RANBP3: variants seen among roughly 807,000 people sequenced by gnomAD.
RANBP3 encodes ran-binding protein 3.
RANBP3 carries 14 observed loss-of-function variants against 77.3 expected under a neutral mutation model. The ratio of observed to expected loss-of-function variants is 0.18; its 90% CI spans 0.12 to 0.28. RANBP3 has a LOEUF of 0.28. Among genes scored for constraint, RANBP3 ranks in the 10% least tolerant of loss-of-function variants. The pLI is 1.00. For synonymous variants in RANBP3, 315 were observed against 312.4 expected, an observed-to-expected ratio of 1.01 and a Z score of -0.09; for missense variants, 586 against 752.3, an observed-to-expected ratio of 0.78 and a Z score of 2.59.
chr19:5,945,532 G>T (rs1189084300), intron 3 of RANBP3, among the ~76,000 whole-genome samples: 4 of 152,176 alleles, frequency 2.6e-5, no homozygotes, highest in Non-Finnish European at 5.9e-5. Context: ...TTTGGGTGGG[G>T]TGACCTATAT....
intron 7 of RANBP3, among the ~76,000 whole-genome samples, chr19:5,932,013 T>TGACA (rs1283810385): frequency 6.6e-6 from 1 of 152,024 alleles, no homozygotes; most frequent in African/African-American, 2.4e-5. Flanking sequence ...CCAGTCTGGG[T>TGACA]GACAGAGCAA....
At chr19:5,968,816 T>C (rs1178668101) in intron 1 of RANBP3, among the ~76,000 whole-genome samples, 4 of 152,180 alleles carry the variant, frequency 2.6e-5, no homozygotes, top group African/African-American at 2.4e-5. Flanking sequence ...GCACCGAGCT[T>C]GCCACTGGAG....
rs760532167 is a variant in RANBP3, at chr19:5,941,815, A to C, written c.303T>G (p.Ser101Arg). 3 of 1,612,010 alleles carry C rather than the reference A, an allele frequency of 1.9e-6. No individual in the cohort carries two copies. The African/African-American group carries it at 4.0e-5, about 22-fold the overall frequency. ...GCTCCTTACCTTCTCCGCCTTCAGGACTGGAGCCGCCAGCTGACCTCTGAA... is the reference window on the plus strand; with the variant it reads ...GCTCCTTACCTTCTCCGCCTTCAGGCCTGGAGCCGCCAGCTGACCTCTGAA... ...ELAGRSAGGS[S>R]PEGGEDSDRE... is the part of the protein sequence containing the mutation. Residue 101 changes from serine (S) to arginine (R), a missense_variant, in exon 4 of 17, where the codon AGT (serine) becomes AGG (arginine). Ser to Arg is a moderately radical substitution (Grantham distance 110). Around this residue, in one of 5 missense-constraint regions of RANBP3, gnomAD observed 172 missense variants for 183.4 expected, o/e 0.94. Transcript: ENST00000340578.
At chr19:5,965,446 A>AT (rs985737308) in intron 1 of RANBP3, among the ~76,000 whole-genome samples, 1 of 152,078 alleles carries the variant, frequency 6.6e-6, no homozygotes, top group African/African-American at 2.4e-5. Context: ...TTTTATCTGT[A>AT]TTTTTTCTGC....
intron 3 of RANBP3, among the ~76,000 whole-genome samples, chr19:5,942,602 G>A (rs577483738): frequency 6.6e-6 from 1 of 151,330 alleles, no homozygotes; most frequent in African/African-American, 2.4e-5. Flanking sequence ...GCTACAGGCT[G>A]AGGCACAAGA....
intron 1 of RANBP3, among the ~76,000 whole-genome samples, chr19:5,960,875 G>GCAA (rs368469649): frequency 3.0e-4 from 45 of 152,332 alleles, no homozygotes; most frequent in African/African-American, 8.9e-4. Context: ...CTCTGATGGA[G>GCAA]CAACCCTGTC....
At chr19:5,944,123 C>T (rs766553338) in intron 3 of RANBP3, among the ~76,000 whole-genome samples, 15 of 152,174 alleles carry the variant, frequency 9.9e-5, no homozygotes, top group Non-Finnish European at 1.8e-4. Context: ...ACGCTGGGAG[C>T]AGATGATTAT....
intron 7 of RANBP3, among the ~76,000 whole-genome samples, chr19:5,931,967 C>T (rs867514652): frequency 1.3e-5 from 2 of 151,926 alleles, no homozygotes; most frequent in Non-Finnish European, 2.9e-5. Context: ...CCCAGGAGTT[C>T]GAGGCTGCAG....
At position 5,921,253 on chromosome 19, in the gene RANBP3, G is replaced by A; in HGVS notation, c.1278C>T (p.Leu426=). 5.6e-6 allele frequency: 9 copies of A among 1,613,674 alleles called. No homozygotes were observed. The highest frequency in any genetic ancestry group is 7.6e-6 in the Non-Finnish European group (9 of 1,179,956). The change falls in exon 14 of 17, where the codon CTC becomes CTT. Residue 426 remains leucine, a synonymous_variant. Coordinates refer to ENST00000340578, the MANE Select transcript of RANBP3 (RefSeq NM_007322.3). The surrounding 1 kb of genome is among the most constrained non-coding windows in gnomAD (Gnocchi z 5.3). ...QSWVERGRGL[L]RLNDMASTDD... is the part of the protein sequence containing the mutation. ...CGGTGGACGCCATGTCATTGAGTCT[G>A]AGCAGCCCCCGGCCTCTCTCCACCC...
chr19:5,933,598 G>T, intron 5 of RANBP3, 119 bp from the exon 6 acceptor site: 1 of 675,418 alleles, frequency 1.5e-6, no homozygotes, highest in Non-Finnish European at 2.4e-6. Context: ...TGGAGAACCA[G>T]GGAGAACATT....
chr19:5,951,661 C>T lies in RANBP3; in HGVS notation c.79-65G>A, dbSNP rs543626434. On this transcript the variant is annotated intron_variant, in intron 2 of 16. Transcript: ENST00000340578. ...AGGCTGCATCACACAGCAGGAAGGG[C>T]GGGCAGGGGTCAGAGGCTGGAGCTG... 3.3e-4 allele frequency: 487 copies of T among 1,461,754 alleles called. 7 individuals are homozygous for T. In the South Asian group the frequency reaches 5.5e-3, roughly 16 times the overall value. The allele number at this position is 1,461,754 out of a possible 1,614,324, so 90.5% of individuals were successfully genotyped here.
intron 15 of RANBP3, 70 bp from the exon 16 acceptor site, chr19:5,918,050 A>G: frequency 6.8e-7 from 1 of 1,476,600 alleles, no homozygotes; most frequent in Non-Finnish European, 9.1e-7. Context: ...GCAGAACACA[A>G]GTGCCAAGTC....
At chr19:5,931,630 C>G in intron 7 of RANBP3, 99 bp from the exon 8 acceptor site, 5 of 1,344,548 alleles carry the variant, frequency 3.7e-6, no homozygotes, top group Non-Finnish European at 5.0e-6. Flanking sequence ...GTCTAGGGCC[C>G]CTCCCATGGT....
At chr19:5,946,887 G>A (rs1452681209) in intron 3 of RANBP3, among the ~76,000 whole-genome samples, 4 of 152,238 alleles carry the variant, frequency 2.6e-5, no homozygotes, top group African/African-American at 9.6e-5. Context: ...CCTGTTTGGT[G>A]TCAAGGCAGT....
Position 5,923,063 on chromosome 19 carries a change from G to A in RANBP3, c.1209+131C>T, listed in dbSNP as rs559631250. 9 of 696,522 alleles carry A rather than the reference G, an allele frequency of 1.3e-5. No individual in the cohort carries two copies. The East Asian group carries it at 1.3e-4, about 10-fold the overall frequency. The allele number at this position is 696,522 out of a possible 1,614,324, so 43.1% of individuals were successfully genotyped here. A position where few individuals can be genotyped will look rare whatever the true frequency, so the allele number is the denominator to read the frequency against. ...AACGCCACCAACAAAGTCCCAGAGC[G>A]TGGGGCCAGTGGCCCCTCCGTCATC... On this transcript the variant is annotated intron_variant, in intron 13 of 16. Transcript: ENST00000340578.
At chr19:5,929,310 G>A (rs2145070311) in intron 8 of RANBP3, among the ~76,000 whole-genome samples, 1 of 152,338 alleles carries the variant, frequency 6.6e-6, no homozygotes, top group East Asian at 1.9e-4. Flanking sequence ...CAGAGGATGG[G>A]CTAATCCCCA....
At chr19:5,972,747 AC>A (rs2058545202) in intron 1 of RANBP3, among the ~76,000 whole-genome samples, 1 of 151,356 alleles carries the variant, frequency 6.6e-6, no homozygotes, top group African/African-American at 2.4e-5. Flanking sequence ...GCAGAATTCA[AC>A]CCCCCTTCTC....
At position 5,923,833 on chromosome 19, in the gene RANBP3, G is replaced by C. The variant is rs1485777391; in HGVS notation, c.1078C>G (p.Gln360Glu). 8.7e-6 allele frequency: 14 copies of C among 1,613,662 alleles called. No individual in the cohort carries two copies. In the Admixed American group the frequency reaches 2.3e-4, roughly 27 times the overall value. The change falls in exon 12 of 17, where the codon CAG becomes GAG. Residue 360 changes from glutamine (Q) to glutamate (E), a missense_variant. Coordinates refer to ENST00000340578, the MANE Select transcript of RANBP3 (RefSeq NM_007322.3). ...AAESGSESSS[Q>E]EATPEKESLA... ...ATACCTTTCTCAGGGGTGGCCTCCT[G>C]GGACGAGGACTCAGACCCTGACTCG...
chr19:5,941,742 C>T lies in RANBP3; in HGVS notation c.320-35G>A, dbSNP rs368553261. The T allele has an allele frequency of 2.5e-6, 4 of 1,612,362 alleles. No individual in the cohort carries two copies. In the African/African-American group the frequency reaches 5.3e-5, roughly 22 times the overall value. Reference sequence around the variant, plus strand: ...ATGATGAGAAGAGGAGGAGAAAAATCAGGTTGCTTCTGTCTTTAAAACTGA... The same window carrying T: ...ATGATGAGAAGAGGAGGAGAAAAATTAGGTTGCTTCTGTCTTTAAAACTGA... On this transcript the variant is annotated intron_variant, in intron 4 of 16. Coordinates refer to ENST00000340578, the MANE Select transcript of RANBP3 (RefSeq NM_007322.3).
Sources: gnomAD v4.1 joint callset for allele counts (sites outside exome capture counted in the v4.1 genomes callset) on GRCh38, gnomAD v4.1.1 for gene constraint, gnomAD v4.1.1 regional missense constraint, Gnocchi (gnomAD v3.1) non-coding constraint, MANE v1.5 for transcripts, NCBI Gene and HGNC (gene_info 2026-07-23, HGNC 2026-07-21) for gene names.